Variants in COX6C observed in about 807,000 individuals in gnomAD.
COX6C encodes the protein cytochrome c oxidase polypeptide VIc.
Under a neutral mutation model 6.9 loss-of-function variants are expected in COX6C, and 3 were observed. The ratio of observed to expected loss-of-function variants is 0.43; its 90% CI spans 0.20 to 1.12. COX6C has a LOEUF of 1.12. Among genes scored for constraint, COX6C ranks in the 50% most tolerant of loss-of-function variants. The probability of loss-of-function intolerance (pLI) is 0.27; values close to 1 mark genes in which losing one functional copy is unlikely to be tolerated. For missense variants in COX6C, 101 were observed against 97.3 expected (o/e 1.04, Z -0.16); for synonymous variants, 32 against 32.0 (o/e 1.00, Z 0.00).
chr8:99,889,301 T>A (rs889307682), intron 2 of COX6C, among the ~76,000 whole-genome samples: 1 of 152,024 alleles, frequency 6.6e-6, no homozygotes, highest in Non-Finnish European at 1.5e-5. Context: ...CCCTAACTTT[T>A]TTTTTTGAGA....
At chr8:99,891,531 G>A (rs765870303) in intron 2 of COX6C, among the ~76,000 whole-genome samples, 2 of 152,032 alleles carry the variant, frequency 1.3e-5, no homozygotes, top group Non-Finnish European at 2.9e-5. Flanking sequence ...AAAAAGGAAA[G>A]GAAGGAAAGG....
At chr8:99,884,112 T>C (rs1264669069) in intron 3 of COX6C, among the ~76,000 whole-genome samples, 1 of 152,188 alleles carries the variant, frequency 6.6e-6, no homozygotes, top group Admixed American at 6.5e-5. Context: ...CCACTTCTAT[T>C]CATTGTAGTA....
intron 2 of COX6C, among the ~76,000 whole-genome samples, chr8:99,888,041 A>G (rs1183926336): frequency 6.7e-6 from 1 of 150,226 alleles, no homozygotes; most frequent in African/African-American, 2.5e-5. Context: ...CAGTGAGCCG[A>G]GATCTCACCA....
At chr8:99,890,832 G>A (rs755263077) in intron 2 of COX6C, among the ~76,000 whole-genome samples, 7 of 152,144 alleles carry the variant, frequency 4.6e-5, no homozygotes, top group Non-Finnish European at 7.4e-5. Context: ...GTGTTAAAAC[G>A]CAATTCTGTG....
chr8:99,887,284 C>G (rs188477378), intron 3 of COX6C: 14 of 379,152 alleles, frequency 3.7e-5, no homozygotes, highest in African/African-American at 3.0e-4. Flanking sequence ...GGTGCTCCCC[C>G]ACATCACAAA....
chr8:99,892,114 G>A (rs1818063559), intron 1 of COX6C, 62 bp from the exon 2 acceptor site: 3 of 895,522 alleles, frequency 3.4e-6, no homozygotes, highest in Admixed American at 2.4e-5. Flanking sequence ...ACTTGAGAAT[G>A]GCCACCTGGA....
chr8:99,892,660 G>A (rs1818073047), intron 1 of COX6C, among the ~76,000 whole-genome samples: 1 of 152,080 alleles, frequency 6.6e-6, no homozygotes, highest in South Asian at 2.1e-4. Context: ...CTGTCTCTTG[G>A]CTTAGCCTGT....
intron 3 of COX6C, among the ~76,000 whole-genome samples, chr8:99,885,607 G>C (rs1050224842): frequency 2.0e-5 from 3 of 152,114 alleles, no homozygotes; most frequent in Non-Finnish European, 1.5e-5. Context: ...ACATGTAAAA[G>C]AATACAGTTG....
At chr8:99,885,372 T>C (rs1160234296) in intron 3 of COX6C, among the ~76,000 whole-genome samples, 1 of 152,258 alleles carries the variant, frequency 6.6e-6, no homozygotes, top group African/African-American at 2.4e-5. Context: ...GGTTTGGTAC[T>C]ATCTGTGGTT....
intron 3 of COX6C, among the ~76,000 whole-genome samples, chr8:99,881,049 C>T (rs1174893615): frequency 6.6e-6 from 1 of 152,098 alleles, no homozygotes; most frequent in Non-Finnish European, 1.5e-5. Flanking sequence ...TGGCAAAGAA[C>T]ATAGAAGCTT....
At chr8:99,879,872 C>T (rs1817832007) in intron 3 of COX6C, among the ~76,000 whole-genome samples, 1 of 152,128 alleles carries the variant, frequency 6.6e-6, no homozygotes, top group Admixed American at 6.5e-5. Context: ...GAGCTGAAAG[C>T]AATGATGGGT....
At chr8:99,890,543 T>A (rs565438660) in intron 2 of COX6C, among the ~76,000 whole-genome samples, 1 of 152,196 alleles carries the variant, frequency 6.6e-6, no homozygotes, top group African/African-American at 2.4e-5. Context: ...GTCCTTTTAA[T>A]AACCTATTTG....
At chr8:99,885,996 G>A (rs1367749500) in intron 3 of COX6C, 4 of 152,134 alleles carry the variant, frequency 2.6e-5, no homozygotes, top group Non-Finnish European at 5.9e-5. Flanking sequence ...TGGCCAATAA[G>A]TACATGAAAA....
At chr8:99,889,847 T>C (rs1379090170) in intron 2 of COX6C, among the ~76,000 whole-genome samples, 1 of 151,320 alleles carries the variant, frequency 6.6e-6, no homozygotes, top group Non-Finnish European at 1.5e-5. Context: ...TCCCAGCACT[T>C]TGGGAGGCCG....
intron 3 of COX6C, among the ~76,000 whole-genome samples, chr8:99,882,756 A>G (rs1416124206): frequency 6.8e-6 from 1 of 146,348 alleles, no homozygotes; most frequent in African/African-American, 2.6e-5. Context: ...TATGTAAACA[A>G]ACTGGATGAC....
intron 3 of COX6C, among the ~76,000 whole-genome samples, chr8:99,881,228 G>A (rs1181151606): frequency 6.6e-6 from 1 of 151,922 alleles, no homozygotes; most frequent in African/African-American, 2.4e-5. Flanking sequence ...AGCACAGTGG[G>A]GTGCATCTGT....
intron 3 of COX6C, chr8:99,886,461 G>A (rs1387358105): frequency 6.6e-6 from 1 of 152,006 alleles, no homozygotes; most frequent in East Asian, 1.9e-4. Context: ...AAAAGGGTAT[G>A]GCAGTTTCTT....
chr8:99,881,090 T>C (rs992773259), intron 3 of COX6C, among the ~76,000 whole-genome samples: 1 of 152,218 alleles, frequency 6.6e-6, no homozygotes, highest in Non-Finnish European at 1.5e-5. Context: ...CCAGGTACAG[T>C]GGCTCATGCC....
intron 2 of COX6C, among the ~76,000 whole-genome samples, chr8:99,889,221 G>C (rs555747882): frequency 6.6e-6 from 1 of 152,194 alleles, no homozygotes; most frequent in Admixed American, 6.5e-5. Flanking sequence ...TCTCTCCAAA[G>C]AGTCCCAAAG....
Sources: gnomAD v4.1 joint callset for allele counts (sites outside exome capture counted in the v4.1 genomes callset) on GRCh38, gnomAD v4.1.1 for gene constraint, MANE v1.5 for transcripts, NCBI Gene and HGNC (gene_info 2026-07-23, HGNC 2026-07-21) for gene names.